The following ZNF618 variants were observed in gnomAD, a reference collection of about 807,000 sequenced individuals.
ZNF618 encodes the protein neural precursor cell expressed, developmentally down-regulated 10.
Under a neutral mutation model 103.0 loss-of-function variants are expected in ZNF618, and 34 were observed. The ratio of observed to expected loss-of-function variants is 0.33; its 90% CI spans 0.25 to 0.44. The LOEUF (loss-of-function observed/expected upper bound fraction) is 0.44, where lower values mean the gene tolerates loss of function less well. Among genes scored for constraint, ZNF618 ranks in the 20% least tolerant of loss-of-function variants. The probability of loss-of-function intolerance (pLI) is 1.00; values close to 1 mark genes in which losing one functional copy is unlikely to be tolerated. For synonymous variants in ZNF618, 551 were observed against 542.2 expected, an observed-to-expected ratio of 1.02 and a Z score of -0.23; for missense variants, 1,059 against 1,295.4, an observed-to-expected ratio of 0.82 and a Z score of 2.80.
chr9:114,017,104 A>G (rs562719718), intron 10 of ZNF618, among the ~76,000 whole-genome samples: 46 of 152,276 alleles, frequency 3.0e-4, no homozygotes, highest in African/African-American at 1.1e-3. Flanking sequence ...AGGTACCGCT[A>G]CATCACAAGG....
At chr9:113,876,831 C>T (rs1267972026) in intron 1 of ZNF618, among the ~76,000 whole-genome samples, 2 of 150,852 alleles carry the variant, frequency 1.3e-5, no homozygotes, top group East Asian at 2.0e-4. Context: ...GATGACCCCC[C>T]GGGAGGTCTT....
chr9:114,017,198 C>T (rs1220322438), intron 10 of ZNF618, among the ~76,000 whole-genome samples: 3 of 152,168 alleles, frequency 2.0e-5, no homozygotes, highest in African/African-American at 7.2e-5. Flanking sequence ...GGGCTAGGGG[C>T]GTGGTTAACT....
intron 10 of ZNF618, among the ~76,000 whole-genome samples, chr9:114,024,792 A>G (rs976386117): frequency 6.6e-6 from 1 of 151,546 alleles, no homozygotes; most frequent in African/African-American, 2.4e-5. Context: ...ATCTGCACAA[A>G]TATAGTTTGG....
At chr9:113,991,939 A>G (rs1030441882) in intron 3 of ZNF618, among the ~76,000 whole-genome samples, 1 of 152,214 alleles carries the variant, frequency 6.6e-6, no homozygotes, top group Non-Finnish European at 1.5e-5. Flanking sequence ...ACGGCAGCTC[A>G]TCTTGCATGC....
intron 1 of ZNF618, among the ~76,000 whole-genome samples, chr9:113,913,298 A>G (rs986865679): frequency 2.6e-5 from 4 of 152,226 alleles, no homozygotes; most frequent in Non-Finnish European, 5.9e-5. Flanking sequence ...GGTAAGTGGT[A>G]GAGTTGAGAT....
intron 1 of ZNF618, among the ~76,000 whole-genome samples, chr9:113,943,379 A>C (rs1385583159): frequency 1.3e-5 from 2 of 152,128 alleles, no homozygotes; most frequent in African/African-American, 2.4e-5. Flanking sequence ...GCTGGGCAGC[A>C]GTGACTGCGT....
intron 2 of ZNF618, among the ~76,000 whole-genome samples, chr9:113,984,073 T>C (rs1489764998): frequency 6.6e-6 from 1 of 152,098 alleles, no homozygotes; most frequent in Non-Finnish European, 1.5e-5. Context: ...CACCTACTCT[T>C]AGGACAAGTG....
At chr9:113,924,733 C>T (rs567804734) in intron 1 of ZNF618, among the ~76,000 whole-genome samples, 1 of 151,780 alleles carries the variant, frequency 6.6e-6, no homozygotes, top group Admixed American at 6.6e-5. Flanking sequence ...TTCATTTTCG[C>T]TTAGTTCATA....
At position 113,877,264 on chromosome 9, in the gene ZNF618, CATTTT is replaced by C. The variant is rs564109775; in HGVS notation, c.33+853_33+857del. ...GCAAAGTCAGTTTGGGTACCCAACT[CATTTT>C]AGTTTGAGAAAAAAACTAATTGGAA... is the stretch of plus-strand genomic sequence containing the variant. On this transcript the variant is annotated intron_variant, in intron 1 of 14. Transcript: ENST00000374126. Among the ~76,000 whole-genome samples, 498 of 152,052 alleles carry C rather than the reference CATTTT, an allele frequency of 3.3e-3. 3 individuals are homozygous for C. Among genetic ancestry groups the C allele is most frequent in the Middle Eastern group, 0.014 (4 of 294 alleles).
Position 114,050,290 on chromosome 9 carries a change from C to G in ZNF618, c.*123C>G. On this transcript the variant is annotated 3_prime_UTR_variant, in exon 15 of 15. Coordinates refer to ENST00000374126, the MANE Select transcript of ZNF618 (RefSeq NM_001318042.2). ...ACTGTGGACCTCATTATAAATGCCC[C>G]CTGGAAACTTAAGTGCTTTTTTTAT... 8.1e-7 allele frequency: 1 copy of G among 1,239,938 alleles called. No homozygotes were observed. The highest frequency in any genetic ancestry group is 1.6e-5 in the South Asian group (1 of 64,036). The allele number at this position is 1,239,938 out of a possible 1,614,324, so 76.8% of individuals were successfully genotyped here.
At chr9:113,983,036 A>G (rs1403584947) in intron 2 of ZNF618, among the ~76,000 whole-genome samples, 1 of 152,206 alleles carries the variant, frequency 6.6e-6, no homozygotes, top group Non-Finnish European at 1.5e-5. Flanking sequence ...TTGAGCAACT[A>G]TTTTGTAGTT....
chr9:113,988,821 T>C (rs1839742100), intron 3 of ZNF618, among the ~76,000 whole-genome samples: 1 of 152,202 alleles, frequency 6.6e-6, no homozygotes, highest in South Asian at 2.1e-4. Context: ...ATCAATACCC[T>C]GTTTAAGTCA....
At position 113,979,409 on chromosome 9, in the gene ZNF618, C is replaced by T. The variant is rs892122591; in HGVS notation, c.78-8912C>T. 2.0e-5 allele frequency among the ~76,000 whole-genome samples: 3 copies of T among 152,168 alleles called. No homozygotes were observed. In the East Asian group the frequency reaches 5.8e-4, roughly 29 times the overall value. On this transcript the variant is annotated intron_variant, in intron 2 of 14. Transcript: ENST00000374126. The stretch of plus-strand genomic sequence containing the variant: ...GTGTTACATTTTAGAAATTTTTCAT[C>T]AGTTCATCAGAAAGGATAAAGATAT...
rs1843710358 is a variant in ZNF618, at chr9:114,028,470, G to A, written c.845-263G>A. 9.4e-6 allele frequency: 5 copies of A among 534,278 alleles called. No homozygotes were observed. In the East Asian group the frequency reaches 1.6e-4, roughly 17 times the overall value. The allele number at this position is 534,278 out of a possible 1,614,324, so 33.1% of individuals were successfully genotyped here. Reference sequence around the variant, plus strand: ...TGCCCTAAGAGCCAGTCAGTCCAGAGACTGGGCTGGTCAAGGGTTATGGGT... The same window carrying A: ...TGCCCTAAGAGCCAGTCAGTCCAGAAACTGGGCTGGTCAAGGGTTATGGGT... On this transcript the variant is annotated intron_variant, in intron 10 of 14. Coordinates refer to ENST00000374126, the MANE Select transcript of ZNF618 (RefSeq NM_001318042.2).
intron 1 of ZNF618, among the ~76,000 whole-genome samples, chr9:113,901,002 T>C (rs1365769439): frequency 2.1e-5 from 1 of 48,350 alleles, no homozygotes; most frequent in Non-Finnish European, 3.8e-5. Context: ...CCCGACCTCC[T>C]GTCTCCTAGC....
At chr9:114,020,179 G>C (rs1375481857) in intron 10 of ZNF618, among the ~76,000 whole-genome samples, 2 of 152,116 alleles carry the variant, frequency 1.3e-5, no homozygotes, top group Admixed American at 6.6e-5. Context: ...CCGTTGGCCT[G>C]TTTGTTTATC....
intron 14 of ZNF618, among the ~76,000 whole-genome samples, chr9:114,048,322 A>T (rs1036867619): frequency 1.3e-5 from 2 of 152,160 alleles, no homozygotes; most frequent in Non-Finnish European, 2.9e-5. Context: ...TTTCCTGAAG[A>T]TTCCCATATT....
chr9:114,042,692 T>C (rs1448299984), intron 13 of ZNF618, among the ~76,000 whole-genome samples: 2 of 152,184 alleles, frequency 1.3e-5, no homozygotes, highest in East Asian at 1.9e-4. Flanking sequence ...AAGCCATGCA[T>C]GGTAGCACGC....
At position 114,048,688 on chromosome 9, in the gene ZNF618, C is replaced by T. The variant is rs376785627; in HGVS notation, c.1386C>T (p.Pro462=). The T allele has an allele frequency of 3.5e-5, 57 of 1,613,748 alleles. No homozygotes were observed. In the African/African-American group the frequency reaches 5.3e-4, roughly 15 times the overall value. Residue 462 remains proline, a synonymous_variant, in exon 15 of 15, where the codon CCC becomes CCT. Transcript: ENST00000374126. The stretch of plus-strand genomic sequence containing the variant: ...GTTTAACACCCAACAGCATGATCCC[C>T]GAAAAGGAGCGGCAGAACATCGCAG... ...TSGLTPNSMI[P]EKERQNIAER... is the part of the protein sequence containing the mutation.
Sources: gnomAD v4.1 joint callset for allele counts (sites outside exome capture counted in the v4.1 genomes callset) on GRCh38, gnomAD v4.1.1 for gene constraint, MANE v1.5 for transcripts, NCBI Gene and HGNC (gene_info 2026-07-23, HGNC 2026-07-21) for gene names.